CALN1: variants seen among roughly 807,000 people sequenced by gnomAD.
The protein encoded by CALN1 is calneuron 1.
Under a neutral mutation model 30.6 loss-of-function variants are expected in CALN1, and 17 were observed. The ratio of observed to expected loss-of-function variants is 0.56; its 90% CI spans 0.38 to 0.83. The LOEUF (loss-of-function observed/expected upper bound fraction) is 0.83. Among genes scored for constraint, CALN1 ranks in the 40% least tolerant of loss-of-function variants. CALN1 has a pLI of 0.00. For synonymous variants in CALN1, 156 were observed against 131.4 expected (o/e 1.19, Z -1.28); for missense variants, 291 against 354.9 (o/e 0.82, Z 1.45).
At chr7:71,827,698 G>T (rs1029719954) in intron 5 of CALN1, among the ~76,000 whole-genome samples, 27 of 152,022 alleles carry the variant, frequency 1.8e-4, no homozygotes, top group Admixed American at 1.6e-3. Flanking sequence ...CTTGAACCTG[G>T]GAGGCAGAGG....
At chr7:72,418,861 T>A (rs550886084) in intron 1 of CALN1, among the ~76,000 whole-genome samples, 2 of 152,136 alleles carry the variant, frequency 1.3e-5, no homozygotes, top group East Asian at 3.9e-4. Context: ...AAAATCTTTT[T>A]AAAAATTAGC....
chr7:72,340,075 C>A (rs1265941794), intron 2 of CALN1, among the ~76,000 whole-genome samples: 1 of 152,220 alleles, frequency 6.6e-6, no homozygotes, highest in African/African-American at 2.4e-5. Flanking sequence ...TGAGAGGGAA[C>A]TGAGGACTAA....
chr7:71,795,013 A>AT (rs1002826739), intron 6 of CALN1, among the ~76,000 whole-genome samples: 2 of 150,106 alleles, frequency 1.3e-5, no homozygotes. Flanking sequence ...GATCTTGCCT[A>AT]TTTTTTTTCT....
intron 3 of CALN1, among the ~76,000 whole-genome samples, chr7:72,220,595 C>G (rs1159628177): frequency 6.6e-6 from 1 of 152,168 alleles, no homozygotes; most frequent in East Asian, 1.9e-4. Context: ...ATTTCTAGTT[C>G]TAGATCCCTG....
chr7:72,499,129 C>G, the CALN1 span, among the ~76,000 whole-genome samples: 1 of 152,132 alleles, frequency 6.6e-6, no homozygotes, highest in Non-Finnish European at 1.5e-5. Flanking sequence ...CTCCTGGGTT[C>G]AAGTGATTCT....
At chr7:72,309,683 G>A (rs541339270) in intron 2 of CALN1, among the ~76,000 whole-genome samples, 4 of 152,222 alleles carry the variant, frequency 2.6e-5, no homozygotes, top group Non-Finnish European at 5.9e-5. Flanking sequence ...AAGGTCCCCC[G>A]CTGTGCACTG....
chr7:72,456,259 G>A, the CALN1 span, among the ~76,000 whole-genome samples: 4 of 151,228 alleles, frequency 2.6e-5, no homozygotes, highest in South Asian at 2.1e-4. Context: ...TTGGTGGGTC[G>A]CACCTATAAT....
chr7:72,336,680 T>C, intron 2 of CALN1: 1 of 984,510 alleles, frequency 1.0e-6, no homozygotes, highest in Non-Finnish European at 1.2e-6. Context: ...GCGGGTAAGC[T>C]AGGGAGCCGG....
intron 5 of CALN1, among the ~76,000 whole-genome samples, chr7:71,888,990 T>C (rs11769248): frequency 0.16 from 24,683 of 152,078 alleles, 2,305 homozygotes; most frequent in Non-Finnish European, 0.22. Context: ...GGTGAGGAGA[T>C]CAGGAAAGGT....
At chr7:72,346,806 C>T (rs1366656531) in intron 2 of CALN1, among the ~76,000 whole-genome samples, 7 of 152,214 alleles carry the variant, frequency 4.6e-5, no homozygotes, top group Non-Finnish European at 7.4e-5. Context: ...TGAGCTGCAG[C>T]GCCCGGCCAA....
intron 4 of CALN1, among the ~76,000 whole-genome samples, chr7:72,046,709 TAAAAAAAAAAA>T (rs59664699): frequency 0.022 from 1,137 of 51,884 alleles, 23 homozygotes; most frequent in Non-Finnish European, 0.031. Flanking sequence ...GACTCCCTCT[TAAAAAAAAAAA>T]AAAAAAAAAA....
At chr7:72,286,809 G>C (rs891825343) in intron 2 of CALN1, among the ~76,000 whole-genome samples, 1 of 152,156 alleles carries the variant, frequency 6.6e-6, no homozygotes, top group African/African-American at 2.4e-5. Flanking sequence ...GAACTTTCAA[G>C]AAGAAGTACA....
At chr7:72,260,068 C>CA (rs1309085302) in intron 3 of CALN1, among the ~76,000 whole-genome samples, 1 of 152,062 alleles carries the variant, frequency 6.6e-6, no homozygotes, top group African/African-American at 2.4e-5. Flanking sequence ...ACCATCTCTA[C>CA]AAAAAATGTA....
chr7:72,045,206 C>A (rs1802391763), intron 4 of CALN1, among the ~76,000 whole-genome samples: 1 of 152,160 alleles, frequency 6.6e-6, no homozygotes, highest in Non-Finnish European at 1.5e-5. Context: ...TCTCTGCAGG[C>A]ACTACTAGAA....
chr7:72,434,436 C>A (rs1428082675), intron 1 of CALN1, among the ~76,000 whole-genome samples: 1 of 151,336 alleles, frequency 6.6e-6, no homozygotes, highest in Non-Finnish European at 1.5e-5. Flanking sequence ...GCAAGAGAAT[C>A]GGTTGAACCC....
At position 71,888,229 on chromosome 7, in the gene CALN1, T is replaced by C. The variant is rs547637453; in HGVS notation, c.502-77737A>G. Reference sequence around the variant, plus strand: ...GCTGAGAAAGAACAGTCAAACAATTTTGGCTAACTGGGAACAAAAAGCATC... The same window carrying C: ...GCTGAGAAAGAACAGTCAAACAATTCTGGCTAACTGGGAACAAAAAGCATC... On this transcript the variant is annotated intron_variant, in intron 5 of 6. Coordinates refer to ENST00000395275, the MANE Select transcript of CALN1 (RefSeq NM_031468.4). Among the ~76,000 whole-genome samples, 3 of 152,076 alleles carry C rather than the reference T, an allele frequency of 2.0e-5. No individual in the cohort carries two copies. The South Asian group carries it at 6.2e-4, about 32-fold the overall frequency.
At chr7:72,393,280 C>T (rs1387144958) in intron 2 of CALN1, among the ~76,000 whole-genome samples, 2 of 152,010 alleles carry the variant, frequency 1.3e-5, no homozygotes, top group Non-Finnish European at 1.5e-5. Context: ...CTGGCTAACA[C>T]GGTGAAACCC....
At chr7:71,828,716 A>T (rs560099843) in intron 5 of CALN1, among the ~76,000 whole-genome samples, 2,531 of 132,412 alleles carry the variant, frequency 0.019, 57 homozygotes, top group African/African-American at 0.094. Context: ...ATATATATGT[A>T]TATGTGTGTG....
intron 2 of CALN1, among the ~76,000 whole-genome samples, chr7:72,358,756 G>A (rs1027052887): frequency 1.4e-4 from 22 of 151,918 alleles, no homozygotes; most frequent in African/African-American, 5.3e-4. Context: ...CGAGACAAGC[G>A]TGGCCAACAT....
Sources: gnomAD v4.1 joint callset for allele counts (sites outside exome capture counted in the v4.1 genomes callset) on GRCh38, gnomAD v4.1.1 for gene constraint, MANE v1.5 for transcripts, NCBI Gene and HGNC (gene_info 2026-07-23, HGNC 2026-07-21) for gene names.